NUDT6: variants seen among roughly 807,000 people sequenced by gnomAD.
NUDT6 encodes the protein nudix hydrolase 6, also known as FAD diphosphatase NUDT6.
Under a neutral mutation model 36.8 loss-of-function variants are expected in NUDT6, and 24 were observed. That is an observed-to-expected ratio of 0.65 (90% CI 0.47 to 0.92). NUDT6 has a LOEUF of 0.92. NUDT6 is among the 40% of genes least tolerant of loss of function. The pLI is 0.00. For synonymous variants in NUDT6, 163 were observed against 157.0 expected (o/e 1.04, Z -0.29); for missense variants, 388 against 392.8 (o/e 0.99, Z 0.10).
intron 1 of NUDT6, chr4:122,920,881 T>G (rs965026415): frequency 6.6e-6 from 1 of 152,214 alleles, no homozygotes; most frequent in African/African-American, 2.4e-5. Flanking sequence ...GAGTAAACAT[T>G]GAAATAACTA....
In NUDT6 at chr4:122,912,639, G is replaced by T. The variant is rs1161036060; in HGVS notation, c.443-16C>A. ...AATACAGCTCCTATTAGGGGAAAAA[G>T]AAAAGATAATTGAGAAATATTAATT... is the stretch of plus-strand genomic sequence containing the variant. On this transcript the variant is annotated splice_polypyrimidine_tract_variant and intron_variant, in intron 2 of 4. Transcript: ENST00000304430. The T allele has an allele frequency of 2.0e-6, 3 of 1,463,540 alleles. No homozygotes were observed. Among genetic ancestry groups the T allele is most frequent in the Non-Finnish European group, 1.9e-6 (2 of 1,044,562 alleles). The allele number at this position is 1,463,540 out of a possible 1,614,324, so 90.7% of individuals were successfully genotyped here.
chr4:122,912,288 T>C (rs1279315916), intron 3 of NUDT6, among the ~76,000 whole-genome samples: 6 of 152,200 alleles, frequency 3.9e-5, no homozygotes, highest in Non-Finnish European at 7.4e-5. Context: ...CTTGGTAATA[T>C]ATTAAAGCAG....
Position 122,922,595 on chromosome 4 carries a change from G to T in NUDT6, c.-23C>A, listed in dbSNP as rs200477292. ...CATCTCCACGCCGCTTAATTCGTCC[G>T]TTGCCCAAATGACCCCTCCGCGCTC... is the stretch of plus-strand genomic sequence containing the variant. On this transcript the variant is annotated 5_prime_UTR_variant, in exon 1 of 5. Transcript: ENST00000304430. The T allele has an allele frequency of 1.0e-3, 1,645 of 1,577,224 alleles. 20 individuals are homozygous for T. The highest frequency in any genetic ancestry group is 7.3e-3 in the South Asian group (643 of 88,600).
chr4:122,910,261 C>G (rs1185768561), intron 3 of NUDT6, among the ~76,000 whole-genome samples: 1 of 145,748 alleles, frequency 6.9e-6, no homozygotes, highest in Non-Finnish European at 1.5e-5. Context: ...TGTTAAGTCA[C>G]TTGTCTTTGC....
At chr4:122,922,684 G>T (rs1185778561), upstream of NUDT6, 1 of 920,470 alleles carries the variant, frequency 1.1e-6, no homozygotes, top group African/African-American at 1.6e-5. Context: ...AGTTGAGCTG[G>T]GGTTACCACT....
upstream of NUDT6, chr4:122,922,922 A>G: frequency 1.7e-6 from 1 of 600,742 alleles, no homozygotes; most frequent in Non-Finnish European, 2.9e-6. Flanking sequence ...CGTTCCTGGA[A>G]CCTATCTTCT....
At chr4:122,922,147 C>T in intron 1 of NUDT6, 188 bp downstream of exon 1, 1 of 453,988 alleles carries the variant, frequency 2.2e-6, no homozygotes, top group Non-Finnish European at 3.8e-6. Flanking sequence ...CACCCAACCG[C>T]CTTAGAGACC....
chr4:122,916,857 C>A (rs1164688409), intron 2 of NUDT6, among the ~76,000 whole-genome samples: 1 of 152,076 alleles, frequency 6.6e-6, no homozygotes, highest in Non-Finnish European at 1.5e-5. Context: ...TTATTTGAAT[C>A]CAAGTACTGT....
intron 1 of NUDT6, chr4:122,922,056 G>C (rs370897753): frequency 8.0e-6 from 3 of 375,290 alleles, no homozygotes; most frequent in Admixed American, 4.6e-5. Flanking sequence ...GGTGGTTTAC[G>C]GCAATTTCCG....
intron 4 of NUDT6, chr4:122,895,150 G>T (rs1727311861): frequency 1.3e-5 from 2 of 152,140 alleles, no homozygotes; most frequent in South Asian, 4.1e-4. Context: ...CCTCAAGATG[G>T]ATATTTCTTC....
chr4:122,899,493 T>G (rs1051719378), intron 3 of NUDT6, among the ~76,000 whole-genome samples: 2 of 152,192 alleles, frequency 1.3e-5, no homozygotes, highest in African/African-American at 4.8e-5. Context: ...CTAAAAAAGT[T>G]TGAGCCTGAG....
At chr4:122,921,587 C>T (rs1727996420) in intron 1 of NUDT6, 1 of 99,796 alleles carries the variant, frequency 1.0e-5, no homozygotes, top group Admixed American at 1.3e-4. Flanking sequence ...CAGAATGATA[C>T]CCTCTCTCAA....
intron 3 of NUDT6, among the ~76,000 whole-genome samples, chr4:122,906,993 C>T (rs180943735): frequency 2.3e-4 from 35 of 152,240 alleles, no homozygotes; most frequent in Non-Finnish European, 1.8e-4. Context: ...CCCTCAGTTC[C>T]GGGAATTGCC....
intron 1 of NUDT6, chr4:122,919,449 T>G (rs902993540): frequency 1.3e-5 from 2 of 152,286 alleles, no homozygotes; most frequent in Non-Finnish European, 2.9e-5. Flanking sequence ...TCTCTTGACC[T>G]CGTGATCTGC....
At chr4:122,913,187 AC>A (rs1394849546) in intron 2 of NUDT6, 1 of 152,742 alleles carries the variant, frequency 6.5e-6, no homozygotes, top group African/African-American at 2.4e-5. Context: ...TAGTTTATAA[AC>A]AACAAACTTA....
intron 3 of NUDT6, among the ~76,000 whole-genome samples, chr4:122,906,917 A>G (rs778667365): frequency 6.6e-6 from 1 of 152,184 alleles, no homozygotes; most frequent in Non-Finnish European, 1.5e-5. Flanking sequence ...CACTCCCACC[A>G]TGACAGCTGA....
In NUDT6 at chr4:122,897,413, CTAA is replaced by C. The variant is rs535041419; in HGVS notation, c.553+208_553+210del. The stretch of plus-strand genomic sequence containing the variant: ...AAACAGAAGAATAGGTGGTATGTTC[CTAA>C]TGATATTATTTCTACTAATGGAATA... On this transcript the variant is annotated intron_variant, in intron 4 of 4. Coordinates refer to ENST00000304430, the MANE Select transcript of NUDT6 (RefSeq NM_007083.5). The C allele has an allele frequency of 4.1e-4, 231 of 569,342 alleles. No individual in the cohort carries two copies. The African/African-American group carries it at 4.1e-3, about 10-fold the overall frequency. 35.3% of individuals were successfully genotyped at this position (569,342 alleles called of 1,614,324 possible). A position where few individuals can be genotyped will look rare whatever the true frequency, so the allele number is the denominator to read the frequency against.
upstream of NUDT6, chr4:122,922,693 C>T: frequency 1.2e-6 from 1 of 842,030 alleles, no homozygotes; most frequent in Non-Finnish European, 1.8e-6. Flanking sequence ...GGGGTTACCA[C>T]TCTGCAGAGC....
At chr4:122,903,599 C>G (rs928506948) in intron 3 of NUDT6, among the ~76,000 whole-genome samples, 1 of 152,120 alleles carries the variant, frequency 6.6e-6, no homozygotes, top group African/African-American at 2.4e-5. Flanking sequence ...TCTGTACTTG[C>G]TTAGTGATGC....
Sources: allele counts gnomAD v4.1 joint callset (sites outside exome capture counted in the v4.1 genomes callset), GRCh38; gene constraint gnomAD v4.1.1; transcripts MANE v1.5; gene names NCBI Gene and HGNC (gene_info 2026-07-23, HGNC 2026-07-21).